Variants in GPM6A observed in about 807,000 individuals in gnomAD.
GPM6A encodes the protein neuronal membrane glycoprotein M6-a.
A neutral mutation model predicts 32.1 loss-of-function variants in GPM6A; 7 were observed. That is an observed-to-expected ratio of 0.22 (90% CI 0.12 to 0.41). GPM6A has a LOEUF of 0.41. Ranked by LOEUF, GPM6A falls within the 10% of genes least tolerant of loss-of-function variation. The pLI is 1.00. For synonymous variants in GPM6A, 130 were observed against 123.4 expected (o/e 1.05, Z -0.35); for missense variants, 235 against 347.2 (o/e 0.68, Z 2.57).
chr4:175,749,128 C>G (rs1389989486), intron 1 of GPM6A, among the ~76,000 whole-genome samples: 1 of 151,896 alleles, frequency 6.6e-6, no homozygotes, highest in Admixed American at 6.6e-5. Context: ...ACTATGCTGT[C>G]TTATATGAGT....
At chr4:175,849,398 T>C (rs1224436953) in intron 1 of GPM6A, among the ~76,000 whole-genome samples, 3 of 152,162 alleles carry the variant, frequency 2.0e-5, no homozygotes, top group Non-Finnish European at 4.4e-5. Flanking sequence ...ATCGTAGAGG[T>C]TTAGCCAACG....
intron 1 of GPM6A, among the ~76,000 whole-genome samples, chr4:175,925,934 C>A (rs1279180537): frequency 4.6e-5 from 7 of 151,068 alleles, no homozygotes; most frequent in Non-Finnish European, 1.0e-4. Flanking sequence ...TCACTGTAAC[C>A]TCTGCCTTCC....
chr4:175,684,264 T>C (rs140812240), intron 2 of GPM6A, among the ~76,000 whole-genome samples: 17 of 152,356 alleles, frequency 1.1e-4, no homozygotes, highest in Non-Finnish European at 2.1e-4. Flanking sequence ...GCTTTGCTTA[T>C]GGCATTTTAC....
At chr4:175,682,941 C>T (rs938995809) in intron 2 of GPM6A, among the ~76,000 whole-genome samples, 1 of 152,206 alleles carries the variant, frequency 6.6e-6, no homozygotes, top group Non-Finnish European at 1.5e-5. Flanking sequence ...ACAGAGTCCC[C>T]ACCAGGGCAC....
At chr4:175,687,457 G>A (rs937005128) in intron 2 of GPM6A, among the ~76,000 whole-genome samples, 1 of 151,616 alleles carries the variant, frequency 6.6e-6, no homozygotes, top group African/African-American at 2.4e-5. Flanking sequence ...ATTTTACTTA[G>A]TGTAATGTCC....
chr4:175,914,417 G>A (rs924689430), intron 1 of GPM6A, among the ~76,000 whole-genome samples: 2 of 152,134 alleles, frequency 1.3e-5, no homozygotes, highest in African/African-American at 4.8e-5. Context: ...TGCCTCCCGG[G>A]TTCAAGTGAT....
At chr4:175,664,216 G>A (rs977048706) in intron 3 of GPM6A, among the ~76,000 whole-genome samples, 1 of 152,158 alleles carries the variant, frequency 6.6e-6, no homozygotes, top group Non-Finnish European at 1.5e-5. Context: ...GTGGAGCACA[G>A]AGGATTTTCA....
chr4:175,875,204 T>G (rs1381457902), intron 1 of GPM6A, among the ~76,000 whole-genome samples: 1 of 152,242 alleles, frequency 6.6e-6, no homozygotes, highest in Non-Finnish European at 1.5e-5. Flanking sequence ...CGAAGAATGA[T>G]TCCCACAGCT....
At chr4:175,984,337 G>A (rs1054360959) in intron 1 of GPM6A, among the ~76,000 whole-genome samples, 1 of 151,870 alleles carries the variant, frequency 6.6e-6, no homozygotes, top group African/African-American at 2.4e-5. Flanking sequence ...TAATTTTTTT[G>A]TATTTTTAGT....
intron 4 of GPM6A, among the ~76,000 whole-genome samples, chr4:175,650,696 G>A (rs1741755231): frequency 6.6e-6 from 1 of 152,114 alleles, no homozygotes; most frequent in African/African-American, 2.4e-5. Context: ...TGGTGGGTGA[G>A]CCACTGTTCT....
intron 1 of GPM6A, among the ~76,000 whole-genome samples, chr4:175,748,315 C>A (rs1293405419): frequency 6.6e-6 from 1 of 152,148 alleles, no homozygotes; most frequent in African/African-American, 2.4e-5. Context: ...TGAGAGAAAT[C>A]TCTACCTACG....
intron 2 of GPM6A, among the ~76,000 whole-genome samples, chr4:175,700,621 T>A (rs1002027229): frequency 2.0e-5 from 3 of 152,190 alleles, no homozygotes; most frequent in East Asian, 1.9e-4. Flanking sequence ...ACATTAAGAA[T>A]GTTTGAGTTT....
At chr4:175,819,513 C>A (rs564026607) in intron 1 of GPM6A, among the ~76,000 whole-genome samples, 1 of 152,276 alleles carries the variant, frequency 6.6e-6, no homozygotes, top group East Asian at 1.9e-4. Context: ...ATGTGTGAGG[C>A]ATTGTTCTAA....
intron 1 of GPM6A, among the ~76,000 whole-genome samples, chr4:175,971,655 G>A (rs926703825): frequency 6.6e-6 from 1 of 152,192 alleles, no homozygotes; most frequent in African/African-American, 2.4e-5. Context: ...AAGGAGGTGT[G>A]CAGTGAATAG....
intron 1 of GPM6A, among the ~76,000 whole-genome samples, chr4:175,710,032 A>G (rs1015285880): frequency 2.6e-5 from 4 of 152,134 alleles, no homozygotes; most frequent in African/African-American, 7.2e-5. Context: ...AAGACCAAAA[A>G]GTGCAACTCT....
At chr4:175,767,440 A>G (rs1019428982) in intron 1 of GPM6A, among the ~76,000 whole-genome samples, 7 of 152,226 alleles carry the variant, frequency 4.6e-5, no homozygotes, top group African/African-American at 1.7e-4. Flanking sequence ...TGCCAAATTC[A>G]GAAACCCCTG....
intron 1 of GPM6A, among the ~76,000 whole-genome samples, chr4:175,754,991 A>G (rs1360210661): frequency 6.6e-6 from 1 of 151,982 alleles, no homozygotes; most frequent in Non-Finnish European, 1.5e-5. Context: ...ACACAATTAC[A>G]CATTTTGTAG....
chr4:175,862,250 A>C (rs1000726218), intron 1 of GPM6A, among the ~76,000 whole-genome samples: 3 of 152,228 alleles, frequency 2.0e-5, no homozygotes, highest in African/African-American at 7.2e-5. Context: ...CCATGTAAAC[A>C]GCACCCAGAT....
intron 1 of GPM6A, among the ~76,000 whole-genome samples, chr4:175,952,020 G>A (rs1739831997): frequency 6.6e-6 from 1 of 152,226 alleles, no homozygotes; most frequent in Non-Finnish European, 1.5e-5. Context: ...CCATAATCAT[G>A]TGAGTCAATT....
Sources: allele counts gnomAD v4.1 joint callset (sites outside exome capture counted in the v4.1 genomes callset), GRCh38; gene constraint gnomAD v4.1.1; transcripts MANE v1.5; gene names NCBI Gene and HGNC (gene_info 2026-07-23, HGNC 2026-07-21).